The following ATG4A variants were observed in gnomAD, a reference collection of about 807,000 sequenced individuals.
The protein encoded by ATG4A is cysteine protease ATG4A.
ATG4A carries 22 observed loss-of-function variants against 38.4 expected under a neutral mutation model. That is an observed-to-expected ratio of 0.57 (90% CI 0.41 to 0.82). The LOEUF (loss-of-function observed/expected upper bound fraction) is 0.82. Among genes scored for constraint, ATG4A ranks in the 40% least tolerant of loss-of-function variants. The pLI, the probability that ATG4A is intolerant of heterozygous loss-of-function variation, is 0.00. For synonymous variants in ATG4A, 86 were observed against 100.7 expected, an observed-to-expected ratio of 0.85 and a Z score of 0.88; for missense variants, 220 against 290.0, an observed-to-expected ratio of 0.76 and a Z score of 1.75.
At chrX:108,137,207 G>A in intron 7 of ATG4A, 37 bp downstream of exon 7, 2 of 1,095,778 alleles carry the variant, frequency 1.8e-6, no homozygotes, top group Middle Eastern at 2.5e-4. Context: ...CAGCTGATGG[G>A]TGATGAGTTC....
chrX:108,100,189 A>G (rs2031961030), intron 1 of ATG4A, among the ~76,000 whole-genome samples: 1 of 111,655 alleles, frequency 9.0e-6, no homozygotes, highest in Admixed American at 9.5e-5. Flanking sequence ...AGAATTATAC[A>G]TAACCATTTC....
intron 6 of ATG4A, among the ~76,000 whole-genome samples, chrX:108,136,519 C>T (rs1307372280): frequency 8.9e-6 from 1 of 111,812 alleles, no homozygotes; most frequent in Non-Finnish European, 1.9e-5. Context: ...AATCTGCAGC[C>T]TATGTCACTT....
At chrX:108,120,089 G>A (rs1413810918) in intron 1 of ATG4A, among the ~76,000 whole-genome samples, 10 of 112,237 alleles carry the variant, frequency 8.9e-5, no homozygotes, top group African/African-American at 3.2e-4. Context: ...ACCTGTTGAA[G>A]AATCAAGGTG....
intron 1 of ATG4A, among the ~76,000 whole-genome samples, chrX:108,122,701 A>G: frequency 8.9e-6 from 1 of 112,098 alleles, no homozygotes; most frequent in Non-Finnish European, 1.9e-5. Context: ...ACAGAGCTAC[A>G]GAAAGCCTTT....
chrX:108,114,493 T>A lies in ATG4A; in HGVS notation c.11-11584T>A, dbSNP rs368556491. ...TGGCATTCTAGTCTACTATGCCCTC[T>A]TTCAATAAGATTTGGGGAACAAACT... On this transcript the variant is annotated intron_variant, in intron 1 of 12. Transcript: ENST00000372232. 1.3e-4 allele frequency among the ~76,000 whole-genome samples: 15 copies of A among 112,104 alleles called. No individual in the cohort carries two copies. In the East Asian group the frequency reaches 3.1e-3, roughly 23 times the overall value.
intron 1 of ATG4A, among the ~76,000 whole-genome samples, chrX:108,108,833 A>G (rs1175130739): frequency 8.9e-6 from 1 of 111,964 alleles, no homozygotes; most frequent in Non-Finnish European, 1.9e-5. Context: ...ACTACTTTAG[A>G]TACCTCATAT....
intron 9 of ATG4A, 82 bp from the exon 10 acceptor site, chrX:108,150,070 A>T: frequency 9.3e-7 from 1 of 1,077,791 alleles, no homozygotes; most frequent in South Asian, 2.1e-5. Flanking sequence ...GGGTTAAGAG[A>T]ACCAGAGTGC....
At chrX:108,125,853 T>C (rs944994139) in intron 1 of ATG4A, among the ~76,000 whole-genome samples, 5 of 111,994 alleles carry the variant, frequency 4.5e-5, no homozygotes, top group African/African-American at 1.6e-4. Flanking sequence ...TGGTGTTAAA[T>C]GGGACCTTGA....
chrX:108,134,277 G>A (rs2033040237), intron 5 of ATG4A, 62 bp from the exon 6 acceptor site: 2 of 1,167,976 alleles, frequency 1.7e-6, no homozygotes, highest in East Asian at 3.0e-5. Context: ...AAAAAATTAA[G>A]ATTTTGTGGC....
intron 1 of ATG4A, among the ~76,000 whole-genome samples, chrX:108,109,320 C>T (rs1298611390): frequency 8.9e-6 from 1 of 112,007 alleles, no homozygotes; most frequent in African/African-American, 3.2e-5. Flanking sequence ...ATTCTTTGCC[C>T]ATTTTTAATC....
chrX:108,126,237 T>A, intron 2 of ATG4A, 50 bp downstream of exon 2: 1 of 938,668 alleles, frequency 1.1e-6, no homozygotes, highest in Non-Finnish European at 1.5e-6. Flanking sequence ...GGTAGGCACC[T>A]GTGGTTCAGG....
In ATG4A at chrX:108,148,020, AATATATATATATATATATAT is replaced by A. The variant is rs60886281; in HGVS notation, c.815-2095_815-2076del. 8.1e-3 allele frequency among the ~76,000 whole-genome samples: 645 copies of A among 80,051 alleles called. 13 individuals are homozygous for A. The highest frequency in any genetic ancestry group is 0.027 in the African/African-American group (558 of 20,502). The allele number at this position is 80,051 out of a possible 115,157, so 69.5% of individuals were successfully genotyped here. A position where few individuals can be genotyped will look rare whatever the true frequency, so the allele number is the denominator to read the frequency against. On this transcript the variant is annotated intron_variant, in intron 9 of 12. Coordinates refer to ENST00000372232, the MANE Select transcript of ATG4A (RefSeq NM_052936.5). Reference sequence around the variant, plus strand: ...CTCTAGAGGGACAGAACTAATGGAAAATATATATATATATATATATATATATATATATATATATATATATA... The same window carrying A: ...CTCTAGAGGGACAGAACTAATGGAAAATATATATATATATATATATATATA...
At chrX:108,112,641 C>T (rs573773728) in intron 1 of ATG4A, among the ~76,000 whole-genome samples, 50 of 110,537 alleles carry the variant, frequency 4.5e-4, no homozygotes, top group African/African-American at 1.5e-3. Context: ...GTGATCCGCC[C>T]GCCTCCGCCT....
At chrX:108,140,586 CATATATATACATTATATATATAAA>C (rs1385025985) in intron 9 of ATG4A, among the ~76,000 whole-genome samples, 1 of 103,107 alleles carries the variant, frequency 9.7e-6, no homozygotes, top group Non-Finnish European at 1.9e-5. Flanking sequence ...CATATATATA[CATATATATACATTATATATATAAA>C]ATATATATAT....
At position 108,137,973 on chromosome X, in the gene ATG4A, C is replaced by G; in HGVS notation, c.717C>G (p.Val239=). ...TGGGCATAAACCAAATCAATCCTGTCTATGTTGATGCATTCAAAGTAAGTC... is the reference window on the plus strand; with the variant it reads ...TGGGCATAAACCAAATCAATCCTGTGTATGTTGATGCATTCAAAGTAAGTC... ...LRLGINQINP[V]YVDAFKECFK... is the part of the protein sequence containing the mutation. The change falls in exon 8 of 13, where the codon GTC becomes GTG. Residue 239 remains valine, a synonymous_variant. Coordinates refer to ENST00000372232, the MANE Select transcript of ATG4A (RefSeq NM_052936.5). 8.3e-7 allele frequency: 1 copy of G among 1,201,494 alleles called. No individual in the cohort carries two copies. The highest frequency in any genetic ancestry group is 1.1e-6 in the Non-Finnish European group (1 of 890,816).
At chrX:108,115,836 T>C (rs1480730550) in intron 1 of ATG4A, among the ~76,000 whole-genome samples, 2 of 112,483 alleles carry the variant, frequency 1.8e-5, no homozygotes, top group African/African-American at 6.5e-5. Context: ...AACTGATGGC[T>C]AACCATCTTA....
At chrX:108,104,192 CACT>C (rs1487327924) in intron 1 of ATG4A, among the ~76,000 whole-genome samples, 1 of 112,388 alleles carries the variant, frequency 8.9e-6, no homozygotes, top group Non-Finnish European at 1.9e-5. Flanking sequence ...ATTTACCCAC[CACT>C]ATTACAGTGT....
Position 108,128,234 on chromosome X carries a change from C to T in ATG4A, c.122-547C>T, listed in dbSNP as rs949046435. 2.7e-5 allele frequency among the ~76,000 whole-genome samples: 3 copies of T among 111,100 alleles called. No homozygotes were observed. The Admixed American group carries it at 2.9e-4, about 11-fold the overall frequency. On this transcript the variant is annotated intron_variant, in intron 2 of 12. Coordinates refer to ENST00000372232, the MANE Select transcript of ATG4A (RefSeq NM_052936.5). ...TCCTGGGTTCAAGTGATCCTCATAC[C>T]TCATTTTTTTTGTAGAGATGGGGTC...
At chrX:108,143,686 C>A (rs1172998544) in intron 9 of ATG4A, 1 of 235,637 alleles carries the variant, frequency 4.2e-6, no homozygotes. Flanking sequence ...GGCAGCATTC[C>A]TTCCTCTGGA....
Sources: allele counts gnomAD v4.1 joint callset (sites outside exome capture counted in the v4.1 genomes callset), GRCh38; gene constraint gnomAD v4.1.1; transcripts MANE v1.5; gene names NCBI Gene and HGNC (gene_info 2026-07-23, HGNC 2026-07-21).